Variants in PRDM15 observed in about 807,000 individuals in gnomAD.
PRDM15 encodes PR domain zinc finger protein 15.
In PRDM15, 64 loss-of-function variants were observed where a neutral mutation model predicts 128.6. That is an observed-to-expected ratio of 0.50 (90% CI 0.41 to 0.61). The LOEUF is 0.61. PRDM15 is among the 20% of genes least tolerant of loss of function. PRDM15 has a pLI of 0.00. For missense variants in PRDM15, 1,242 were observed against 1,569.1 expected (o/e 0.79, Z 3.52); for synonymous variants, 615 against 621.8 (o/e 0.99, Z 0.16).
At chr21:41,860,209 C>T (rs1333207581) in intron 2 of PRDM15, 118 bp downstream of exon 2, 1 of 699,342 alleles carries the variant, frequency 1.4e-6, no homozygotes, top group South Asian at 1.8e-5. Flanking sequence ...TATAGCTTTT[C>T]TATATTATAA....
At chr21:41,855,242 A>G (rs1187895030) in intron 4 of PRDM15, among the ~76,000 whole-genome samples, 1 of 152,152 alleles carries the variant, frequency 6.6e-6, no homozygotes, top group Admixed American at 6.5e-5. Flanking sequence ...CAGATGGCCC[A>G]CTGGGAACTG....
chr21:41,833,704 C>T (rs369824413), intron 11 of PRDM15, among the ~76,000 whole-genome samples: 3 of 152,182 alleles, frequency 2.0e-5, no homozygotes, highest in Admixed American at 1.3e-4. Flanking sequence ...TGGCGCTCTG[C>T]GGGTTCTAGG....
intron 14 of PRDM15, 97 bp from the exon 15 acceptor site, chr21:41,822,134 A>G: frequency 6.5e-7 from 1 of 1,541,040 alleles, no homozygotes; most frequent in South Asian, 1.1e-5. Flanking sequence ...CCCCAGATGC[A>G]GAAGAAAATG....
intron 1 of PRDM15, among the ~76,000 whole-genome samples, chr21:41,867,002 A>G (rs12482809): frequency 6.6e-6 from 1 of 152,236 alleles, no homozygotes; most frequent in East Asian, 1.9e-4. Flanking sequence ...TTGTTACCAG[A>G]TGGGTGGATG....
intron 5 of PRDM15, among the ~76,000 whole-genome samples, chr21:41,849,375 C>G (rs1265522454): frequency 6.6e-6 from 1 of 151,982 alleles, no homozygotes; most frequent in East Asian, 1.9e-4. Context: ...CAAGACCAGC[C>G]TGGGCAACAT....
Position 41,854,837 on chromosome 21 carries a change from A to C in PRDM15, c.286-19T>G. 6.3e-7 allele frequency: 1 copy of C among 1,588,238 alleles called. No homozygotes were observed. The highest frequency in any genetic ancestry group is 8.6e-7 in the Non-Finnish European group (1 of 1,163,104). ...GGAACACCTGAAGGTGAGTCGGCCC[A>C]TGGAGAAGCCGGGGAAATGGCTGAT... is the stretch of plus-strand genomic sequence containing the variant. On this transcript the variant is annotated intron_variant, in intron 4 of 23. Transcript: ENST00000398548. This position sits in a 1 kb window ranked among gnomAD's most constrained non-coding sequence, Gnocchi z 4.6.
At chr21:41,848,674 A>C (rs1054114049) in intron 5 of PRDM15, among the ~76,000 whole-genome samples, 18 of 152,210 alleles carry the variant, frequency 1.2e-4, no homozygotes, top group African/African-American at 4.3e-4. Flanking sequence ...CTTCTGAATA[A>C]GGGGAATTTC....
rs2061390276 is a variant in PRDM15 at position 41,800,490 on chromosome 21, G to A, written c.*750C>T. ...TAACAGTCTTGAACACATAATGTATGTTTGAAATAAAGTTAAAAAAAAAAA... is the reference window on the plus strand; with the variant it reads ...TAACAGTCTTGAACACATAATGTATATTTGAAATAAAGTTAAAAAAAAAAA... On this transcript the variant is annotated 3_prime_UTR_variant, in exon 24 of 24. Coordinates refer to ENST00000398548, the MANE Select transcript of PRDM15 (RefSeq NM_001040424.3). The A allele has an allele frequency of 6.6e-6, 1 of 151,526 alleles. No individual in the cohort carries two copies. Among genetic ancestry groups the A allele is most frequent in the African/African-American group, 2.4e-5 (1 of 41,100 alleles). 9.4% of individuals were successfully genotyped at this position (151,526 alleles called of 1,614,324 possible).
At chr21:41,809,558 T>C (rs2146263009) in intron 21 of PRDM15, among the ~76,000 whole-genome samples, 1 of 152,280 alleles carries the variant, frequency 6.6e-6, no homozygotes, top group Non-Finnish European at 1.5e-5. Flanking sequence ...CTTTGGCCTG[T>C]ATTTGTTCTG....
Position 41,874,506 on chromosome 21 carries a change from T to C in PRDM15, c.-10+4764A>G, listed in dbSNP as rs540942453. ...CTACTATAACTAAGCAGCATGCATA[T>C]ATATATATATATATATATATTTTTT... On this transcript the variant is annotated intron_variant, in intron 1 of 23. Transcript: ENST00000398548. Among the ~76,000 whole-genome samples, 137 of 78,224 alleles carry C rather than the reference T, an allele frequency of 1.8e-3. 1 individual carries two copies. Among genetic ancestry groups the C allele is most frequent in the African/African-American group, 4.7e-3 (129 of 27,482 alleles). The allele number at this position is 78,224 out of a possible 152,430, so 51.3% of individuals were successfully genotyped here.
Position 41,859,716 on chromosome 21 carries a change from C to G in PRDM15, c.38-31G>C. 1 of 1,587,252 alleles carries G rather than the reference C, an allele frequency of 6.3e-7. No individual in the cohort carries two copies. The highest frequency in any genetic ancestry group is 1.1e-5 in the South Asian group (1 of 90,008). ...AGCAGACATCCGGGCATTAGAGCAC[C>G]CAGGGAGGGAGACACCTAAAGAACA... On this transcript the variant is annotated intron_variant, in intron 2 of 23. Transcript: ENST00000398548. This position sits in a 1 kb window ranked among gnomAD's most constrained non-coding sequence, Gnocchi z 5.3.
At chr21:41,841,586 T>C (rs888518845) in intron 6 of PRDM15, among the ~76,000 whole-genome samples, 4 of 151,818 alleles carry the variant, frequency 2.6e-5, no homozygotes, top group Non-Finnish European at 4.4e-5. Flanking sequence ...ATAAGGAAAT[T>C]AGCAAACATC....
In PRDM15 at chr21:41,823,406, T is replaced by C; in HGVS notation, c.1673A>G (p.His558Arg). 1.3e-6 allele frequency: 2 copies of C among 1,564,132 alleles called. No homozygotes were observed. Among genetic ancestry groups the C allele is most frequent in the Non-Finnish European group, 1.7e-6 (2 of 1,154,762 alleles). ...CTCGCAGGTGTACTTCTTGTCGCCG[T>C]GGGTGAGCAGGTGCTTGTTCATATT... ...RSNMNKHLLT[H>R]GDKKYTCEIC... Residue 558 changes from histidine to arginine, a missense_variant, in exon 14 of 24, where the codon CAC (histidine) becomes CGC (arginine). Coordinates refer to ENST00000398548, the MANE Select transcript of PRDM15 (RefSeq NM_001040424.3).
chr21:41,833,016 T>G (rs2062748756), intron 11 of PRDM15, among the ~76,000 whole-genome samples: 1 of 152,118 alleles, frequency 6.6e-6, no homozygotes, highest in Non-Finnish European at 1.5e-5. Context: ...GATCTAGGTT[T>G]ATGTCTGAAT....
chr21:41,875,374 C>A (rs935873173), intron 1 of PRDM15, among the ~76,000 whole-genome samples: 3 of 152,402 alleles, frequency 2.0e-5, no homozygotes, highest in Admixed American at 6.5e-5. Context: ...CCAGGAGCAG[C>A]CAGGCTCTTT....
intron 11 of PRDM15, among the ~76,000 whole-genome samples, chr21:41,830,349 AAT>A (rs1336749463): frequency 6.6e-6 from 1 of 151,066 alleles, no homozygotes; most frequent in Non-Finnish European, 1.5e-5. Context: ...CCCACACACA[AAT>A]ACACACACAA....
At position 41,828,181 on chromosome 21, in the gene PRDM15, G is replaced by A. The variant is rs2062538732; in HGVS notation, c.1519C>T (p.Arg507Cys). 1.9e-6 allele frequency: 3 copies of A among 1,613,718 alleles called. No individual in the cohort carries two copies. The highest frequency in any genetic ancestry group is 1.7e-5 in the Admixed American group (1 of 60,000). The change falls in exon 12 of 24, where the codon CGC (arginine) becomes TGC (cysteine). Residue 507 changes from arginine (R) to cysteine (C), a missense_variant. Arg to Cys is a radical substitution (Grantham distance 180). Transcript: ENST00000398548. This position sits in a 1 kb window ranked among gnomAD's most constrained non-coding sequence, Gnocchi z 5.7. ...YRKDVMLDHQ[R>C]RHLEGVRRVK... ...GCGGCCTCACCTTCCAGGTGCCGGC[G>A]CTGGTGGTCCAGCATGACGTCCTTG... is the stretch of plus-strand genomic sequence containing the variant.
In PRDM15 at chr21:41,821,321, C is replaced by T; in HGVS notation, c.1897-91G>A. The T allele has an allele frequency of 1.4e-6, 2 of 1,446,896 alleles. No individual in the cohort carries two copies. Among genetic ancestry groups the T allele is most frequent in the Admixed American group, 3.6e-5 (2 of 54,946 alleles). 89.6% of individuals were successfully genotyped at this position (1,446,896 alleles called of 1,614,324 possible). ...AGGTCGTGTCCACAAACCAGGGCACCCGACACGCCCTGAGAGCCCATGACT... is the reference window on the plus strand; with the variant it reads ...AGGTCGTGTCCACAAACCAGGGCACTCGACACGCCCTGAGAGCCCATGACT... On this transcript the variant is annotated intron_variant, in intron 15 of 23. Coordinates refer to ENST00000398548, the MANE Select transcript of PRDM15 (RefSeq NM_001040424.3). The surrounding 1 kb of genome is among the most constrained non-coding windows in gnomAD (Gnocchi z 5.4).
In PRDM15 at chr21:41,800,590, C is replaced by T. The variant is rs1307228192; in HGVS notation, c.*650G>A. On this transcript the variant is annotated 3_prime_UTR_variant, in exon 24 of 24. Transcript: ENST00000398548. Reference sequence around the variant, plus strand: ...TTTTGAGCTGGAGTCAGTGACCTCACGTGACCCCTTGCACATGATGACCGT... The same window carrying T: ...TTTTGAGCTGGAGTCAGTGACCTCATGTGACCCCTTGCACATGATGACCGT... 6.6e-6 allele frequency: 1 copy of T among 152,116 alleles called. No homozygotes were observed. The allele number at this position is 152,116 out of a possible 1,614,324, so 9.4% of individuals were successfully genotyped here. A position where few individuals can be genotyped will look rare whatever the true frequency, so the allele number is the denominator to read the frequency against.
Sources: gnomAD v4.1 joint callset for allele counts (sites outside exome capture counted in the v4.1 genomes callset) on GRCh38, gnomAD v4.1.1 for gene constraint, Gnocchi (gnomAD v3.1) non-coding constraint, MANE v1.5 for transcripts, NCBI Gene and HGNC (gene_info 2026-07-23, HGNC 2026-07-21) for gene names.